The following SLC4A4 variants were observed in gnomAD, a reference collection of about 807,000 sequenced individuals.
SLC4A4 encodes the protein solute carrier family 4 member 4.
A neutral mutation model predicts 111.5 loss-of-function variants in SLC4A4; 27 were observed. The ratio of observed to expected loss-of-function variants is 0.24; its 90% confidence interval spans 0.18 to 0.33. SLC4A4 has a LOEUF of 0.33. Ranked by LOEUF, SLC4A4 falls within the 10% of genes least tolerant of loss-of-function variation. The pLI is 1.00. For synonymous variants in SLC4A4, 443 were observed against 463.4 expected (o/e 0.96, Z 0.57); for missense variants, 909 against 1,315.5 (o/e 0.69, Z 4.78).
At chr4:71,389,166 T>G (rs2148964577) in intron 6 of SLC4A4, among the ~76,000 whole-genome samples, 2 of 152,282 alleles carry the variant, frequency 1.3e-5, no homozygotes, top group South Asian at 2.1e-4. Flanking sequence ...AAGAGAATAG[T>G]ATTTATGAAG....
intron 3 of SLC4A4, among the ~76,000 whole-genome samples, chr4:71,272,923 GA>G (rs2149082656): frequency 6.6e-6 from 1 of 152,208 alleles, no homozygotes; most frequent in South Asian, 2.1e-4. Context: ...TTTTAGTTTA[GA>G]ATGGTTAATT....
chr4:71,073,575 T>C (rs1335641484), intron 1 of SLC4A4, among the ~76,000 whole-genome samples: 3 of 152,150 alleles, frequency 2.0e-5, no homozygotes, highest in African/African-American at 4.8e-5. Context: ...CCTATTCTGG[T>C]TGATTTTTCT....
intron 3 of SLC4A4, among the ~76,000 whole-genome samples, chr4:71,271,069 T>G (rs1400422119): frequency 6.6e-6 from 1 of 152,170 alleles, no homozygotes; most frequent in East Asian, 1.9e-4. Flanking sequence ...TCTTTCACGT[T>G]TGCCTGCAGG....
At chr4:71,328,032 A>G (rs776272648) in intron 3 of SLC4A4, among the ~76,000 whole-genome samples, 25 of 151,908 alleles carry the variant, frequency 1.6e-4, no homozygotes, top group Non-Finnish European at 2.5e-4. Context: ...CTGTATCTCC[A>G]TGAGTTCAAT....
intron 2 of SLC4A4, among the ~76,000 whole-genome samples, chr4:71,175,093 T>C (rs929036800): frequency 5.9e-5 from 9 of 152,220 alleles, no homozygotes; most frequent in Non-Finnish European, 8.8e-5. Flanking sequence ...ATTATATACT[T>C]ATTCATATGG....
intron 1 of SLC4A4, among the ~76,000 whole-genome samples, chr4:71,081,483 G>T (rs988647199): frequency 4.6e-5 from 7 of 152,154 alleles, no homozygotes; most frequent in African/African-American, 1.7e-4. Context: ...CACCATGGCT[G>T]CTTTGGAGTA....
intron 16 of SLC4A4, among the ~76,000 whole-genome samples, chr4:71,515,438 T>C (rs1732298606): frequency 6.6e-6 from 1 of 152,208 alleles, no homozygotes; most frequent in African/African-American, 2.4e-5. Flanking sequence ...GAAAGAAATA[T>C]ATATTCTGCA....
rs1387602766 is a variant in SLC4A4, at chr4:71,444,322, C to T, written c.966-3324C>T. ...GAATGCTGGAGGCATCTTCCGCAGG[C>T]ATAATTAACTATATGAAAAAACTCA... is the stretch of plus-strand genomic sequence containing the variant. On this transcript the variant is annotated intron_variant, in intron 8 of 25. Coordinates refer to ENST00000264485, the MANE Select transcript of SLC4A4 (RefSeq NM_001098484.3). Among the ~76,000 whole-genome samples, 3 of 152,210 alleles carry T rather than the reference C, an allele frequency of 2.0e-5. No individual in the cohort carries two copies. The South Asian group carries it at 6.2e-4, about 32-fold the overall frequency.
intron 1 of SLC4A4, among the ~76,000 whole-genome samples, chr4:71,084,119 A>G (rs1203568087): frequency 6.6e-6 from 1 of 151,662 alleles, no homozygotes; most frequent in Non-Finnish European, 1.5e-5. Flanking sequence ...AGACCATCTC[A>G]CTCCTGCTTC....
intron 2 of SLC4A4, among the ~76,000 whole-genome samples, chr4:71,106,710 G>T (rs1014064029): frequency 7.1e-6 from 1 of 141,566 alleles, no homozygotes; most frequent in South Asian, 2.3e-4. Flanking sequence ...ACTCATAGGT[G>T]GGAATTGAAC....
chr4:71,571,578 C>G lies in SLC4A4; in HGVS notation c.*3827C>G, dbSNP rs1398026690. ...CTCATTTCATTGTGCTCTATGGGTACGTATAAAAAGCAAGAATTCTGTTTC... is the reference window on the plus strand; with the variant it reads ...CTCATTTCATTGTGCTCTATGGGTAGGTATAAAAAGCAAGAATTCTGTTTC... On this transcript the variant is annotated 3_prime_UTR_variant, in exon 26 of 26. Coordinates refer to ENST00000264485, the MANE Select transcript of SLC4A4 (RefSeq NM_001098484.3). The G allele has an allele frequency of 6.6e-6, 1 of 152,094 alleles. No homozygotes were observed. Among genetic ancestry groups the G allele is most frequent in the Non-Finnish European group, 1.5e-5 (1 of 67,824 alleles). 9.4% of individuals were successfully genotyped at this position (152,094 alleles called of 1,614,324 possible).
chr4:71,236,551 CT>C (rs752099785), intron 1 of SLC4A4, 24 bp from the exon 2 acceptor site: 3 of 1,605,278 alleles, frequency 1.9e-6, no homozygotes, highest in Non-Finnish European at 2.6e-6. Context: ...TCTGAGCATT[CT>C]TTTTTTCTTT....
At chr4:71,132,445 G>T (rs1337687068) in intron 2 of SLC4A4, among the ~76,000 whole-genome samples, 1 of 152,186 alleles carries the variant, frequency 6.6e-6, no homozygotes, top group South Asian at 2.1e-4. Context: ...TGCAGCTGAG[G>T]CTGCTGTTGG....
At position 71,570,320 on chromosome 4, in the gene SLC4A4, T is replaced by C. The variant is rs1737848071; in HGVS notation, c.*2569T>C. On this transcript the variant is annotated 3_prime_UTR_variant, in exon 26 of 26. Transcript: ENST00000264485. ...TATTTATGACATGAACACAGAATAGTACCTTACATTTGCTAAACAGACAGT... is the reference window on the plus strand; with the variant it reads ...TATTTATGACATGAACACAGAATAGCACCTTACATTTGCTAAACAGACAGT... 2.0e-5 allele frequency: 3 copies of C among 150,560 alleles called. No homozygotes were observed. The South Asian group carries it at 6.3e-4, about 31-fold the overall frequency. 9.3% of individuals were successfully genotyped at this position (150,560 alleles called of 1,614,324 possible).
At chr4:71,322,416 G>A (rs558081966) in intron 3 of SLC4A4, among the ~76,000 whole-genome samples, 2 of 152,110 alleles carry the variant, frequency 1.3e-5, no homozygotes, top group South Asian at 4.1e-4. Context: ...TCCAATGGCA[G>A]CATTAGTGTG....
chr4:71,331,430 A>C (rs1727982091), intron 3 of SLC4A4, among the ~76,000 whole-genome samples: 1 of 152,182 alleles, frequency 6.6e-6, no homozygotes, highest in Admixed American at 6.5e-5. Context: ...TGTCCTTTGT[A>C]GGGACATGGA....
intron 2 of SLC4A4, among the ~76,000 whole-genome samples, chr4:71,094,653 T>A (rs949823410): frequency 2.0e-5 from 3 of 152,228 alleles, no homozygotes; most frequent in Non-Finnish European, 4.4e-5. Flanking sequence ...ACAGGAAATA[T>A]TAGCCACATG....
intron 12 of SLC4A4, among the ~76,000 whole-genome samples, chr4:71,459,915 A>G (rs1726664400): frequency 6.6e-6 from 1 of 152,032 alleles, no homozygotes; most frequent in African/African-American, 2.4e-5. Context: ...TTCTTTGATT[A>G]CTTAGTGAGG....
chr4:71,142,761 C>CTTTTTTTTTTTT (rs34495804), intron 2 of SLC4A4, among the ~76,000 whole-genome samples: 3 of 78,038 alleles, frequency 3.8e-5, no homozygotes, highest in African/African-American at 1.4e-4. Context: ...TTTTCTCACT[C>CTTTTTTTTTTTT]TTTTTTTTTT....
Sources: allele counts gnomAD v4.1 joint callset (sites outside exome capture counted in the v4.1 genomes callset), GRCh38; gene constraint gnomAD v4.1.1; transcripts MANE v1.5; gene names NCBI Gene and HGNC (gene_info 2026-07-23, HGNC 2026-07-21).